ARFGEF3: variants seen among roughly 807,000 people sequenced by gnomAD.
The protein encoded by ARFGEF3 is brefeldin A-inhibited guanine nucleotide-exchange protein 3.
A neutral mutation model predicts 221.7 loss-of-function variants in ARFGEF3; 96 were observed. The ratio of observed to expected loss-of-function variants is 0.43; its 90% CI spans 0.37 to 0.51. The LOEUF is 0.51. Ranked by LOEUF, ARFGEF3 falls within the 20% of genes least tolerant of loss-of-function variation. ARFGEF3 has a pLI of 0.00. For synonymous variants in ARFGEF3, 1,145 were observed against 1,126.8 expected (o/e 1.02, Z -0.32); for missense variants, 2,410 against 2,789.9 (o/e 0.86, Z 3.07).
intron 3 of ARFGEF3, among the ~76,000 whole-genome samples, chr6:138,208,270 C>G (rs552816586): frequency 2.6e-5 from 4 of 152,160 alleles, no homozygotes; most frequent in Admixed American, 2.6e-4. Flanking sequence ...GCTACCTCCT[C>G]TTAACTTTAG....
intron 2 of ARFGEF3, among the ~76,000 whole-genome samples, chr6:138,174,113 A>G (rs924771642): frequency 6.6e-6 from 1 of 152,152 alleles, no homozygotes; most frequent in Non-Finnish European, 1.5e-5. Flanking sequence ...AAAACAGAAA[A>G]CATTGTGATG....
intron 3 of ARFGEF3, among the ~76,000 whole-genome samples, chr6:138,207,338 G>A (rs901007731): frequency 2.0e-5 from 3 of 152,194 alleles, no homozygotes; most frequent in Non-Finnish European, 4.4e-5. Flanking sequence ...TTTGTGATCA[G>A]ACACTGATTC....
At position 138,256,303 on chromosome 6, in the gene ARFGEF3, T is replaced by C. The variant is rs369687512; in HGVS notation, c.1104+534T>C. Among the ~76,000 whole-genome samples the C allele has an allele frequency of 1.5e-3, 227 of 152,298 alleles. 2 individuals are homozygous for C. The South Asian group carries it at 0.043, about 29-fold the overall frequency. On this transcript the variant is annotated intron_variant, in intron 10 of 33. Transcript: ENST00000251691. ...ATAGCCATCCCAGTGTGCTACTTCA[T>C]GGTTTTGAGGCAGAATTAGGGTTAT...
intron 20 of ARFGEF3, among the ~76,000 whole-genome samples, chr6:138,295,182 A>G (rs1040902797): frequency 6.6e-6 from 1 of 152,160 alleles, no homozygotes; most frequent in African/African-American, 2.4e-5. Flanking sequence ...AGAAAGAGGG[A>G]GACTTACTTC....
At chr6:138,287,991 T>A (rs1262907377) in intron 17 of ARFGEF3, among the ~76,000 whole-genome samples, 4 of 152,164 alleles carry the variant, frequency 2.6e-5, no homozygotes, top group Non-Finnish European at 5.9e-5. Context: ...ACTTAAGTAT[T>A]TTACAACCAT....
chr6:138,207,133 TG>T lies in ARFGEF3; in HGVS notation c.219+11del, dbSNP rs757143800. ...TTTGGCAGGGATGCAGGTATGGCTT[TG>T]ACTGAATGCAATGGGATGATAGAAA... On this transcript the variant is annotated intron_variant, in intron 3 of 33. Transcript: ENST00000251691. 4 of 1,604,932 alleles carry T rather than the reference TG, an allele frequency of 2.5e-6. No homozygotes were observed. In the African/African-American group the frequency reaches 5.3e-5, roughly 21 times the overall value.
At chr6:138,318,679 G>GT (rs1212388675) in intron 27 of ARFGEF3, among the ~76,000 whole-genome samples, 2 of 152,266 alleles carry the variant, frequency 1.3e-5, no homozygotes, top group South Asian at 4.2e-4. Flanking sequence ...CTCTAGATGA[G>GT]TTTTTTCTTG....
chr6:138,326,476 C>T (rs958001535), intron 31 of ARFGEF3, among the ~76,000 whole-genome samples: 2 of 152,118 alleles, frequency 1.3e-5, no homozygotes, highest in African/African-American at 4.8e-5. Flanking sequence ...TGAACAGACA[C>T]TTCTCAAAAG....
intron 5 of ARFGEF3, among the ~76,000 whole-genome samples, chr6:138,236,505 A>G (rs1484172612): frequency 6.6e-6 from 1 of 152,166 alleles, no homozygotes; most frequent in Non-Finnish European, 1.5e-5. Context: ...GGGGGTAGGT[A>G]GGGTCTCTGT....
intron 4 of ARFGEF3, among the ~76,000 whole-genome samples, chr6:138,221,583 A>C (rs1583019513): frequency 1.3e-5 from 2 of 152,152 alleles, no homozygotes; most frequent in East Asian, 3.9e-4. Flanking sequence ...TGGCCAGGGG[A>C]GAAGGTTTAG....
In ARFGEF3 at chr6:138,334,955, A is replaced by G; in HGVS notation, c.6109A>G (p.Asn2037Asp). ...ATACAAAAAGAGGAAACAGCAGCACAACCTGTCCGCGTTCCCCAAAGAGGT... is the reference window on the plus strand; with the variant it reads ...ATACAAAAAGAGGAAACAGCAGCACGACCTGTCCGCGTTCCCCAAAGAGGT... Reference protein sequence around the residue: ...TEYKKRKQQHNLSAFPKEVKV... With the variant: ...TEYKKRKQQHDLSAFPKEVKV... The change falls in exon 33 of 34, where the codon AAC becomes GAC. Residue 2037 changes from asparagine (N) to aspartate (D), a missense_variant. Around this residue, in one of 5 missense-constraint regions of ARFGEF3, gnomAD observed 339 missense variants for 334.9 expected, o/e 1.01. Coordinates refer to ENST00000251691, the MANE Select transcript of ARFGEF3 (RefSeq NM_020340.5). This position sits in a 1 kb window ranked among gnomAD's most constrained non-coding sequence, Gnocchi z 5.1. 1 of 1,587,418 alleles carries G rather than the reference A, an allele frequency of 6.3e-7. No individual in the cohort carries two copies. Among genetic ancestry groups the G allele is most frequent in the Non-Finnish European group, 8.6e-7 (1 of 1,167,540 alleles).
rs1379249998 is a variant in ARFGEF3, at chr6:138,324,382, G to A, written c.5001+228G>A. 2.0e-5 allele frequency among the ~76,000 whole-genome samples: 3 copies of A among 152,280 alleles called. No individual in the cohort carries two copies. In the East Asian group the frequency reaches 5.8e-4, roughly 29 times the overall value. ...CATTTGTTGCATCCTCCAGTGCCCA[G>A]ATCAAATAGAACCCTTTCAGCAGCC... is the stretch of plus-strand genomic sequence containing the variant. On this transcript the variant is annotated intron_variant, in intron 31 of 33. Coordinates refer to ENST00000251691, the MANE Select transcript of ARFGEF3 (RefSeq NM_020340.5).
At chr6:138,193,247 C>T (rs1394108363) in intron 2 of ARFGEF3, among the ~76,000 whole-genome samples, 1 of 152,186 alleles carries the variant, frequency 6.6e-6, no homozygotes, top group Non-Finnish European at 1.5e-5. Context: ...ACTGAGCTGA[C>T]CAAGTTCCAT....
In ARFGEF3 at chr6:138,169,050, C is replaced by T. The variant is rs185650186; in HGVS notation, c.86-1612C>T. On this transcript the variant is annotated intron_variant, in intron 1 of 33. Coordinates refer to ENST00000251691, the MANE Select transcript of ARFGEF3 (RefSeq NM_020340.5). ...CATGATCCTATCAGCTCCTCACAAG[C>T]ATCCCGGGAGGAAGGTGTCATTGTC... Among the ~76,000 whole-genome samples, 272 of 152,344 alleles carry T rather than the reference C, an allele frequency of 1.8e-3. 1 individual carries two copies. The highest frequency in any genetic ancestry group is 6.3e-3 in the African/African-American group (260 of 41,578).
At chr6:138,311,121 A>G (rs749172592) in intron 24 of ARFGEF3, among the ~76,000 whole-genome samples, 12 of 152,220 alleles carry the variant, frequency 7.9e-5, no homozygotes, top group Non-Finnish European at 1.6e-4. Context: ...AGAGAGAGGA[A>G]ATGTTGATTG....
At position 138,262,959 on chromosome 6, in the gene ARFGEF3, G is replaced by A. The variant is rs534857655; in HGVS notation, c.1476G>A (p.Pro492=). 2.8e-5 allele frequency: 45 copies of A among 1,600,160 alleles called. No individual in the cohort carries two copies. Among genetic ancestry groups the A allele is most frequent in the South Asian group, 2.3e-4 (21 of 89,398 alleles). ...GAGTGCTGTCCTCAGAACACACGCC[G>A]TGGGAGTCAGGGAACGAGAGGAGCC... ...QRRVLSSEHT[P]WESGNERSLD... Residue 492 remains proline (P), a synonymous_variant, in exon 12 of 34, where the codon CCG becomes CCA. Coordinates refer to ENST00000251691, the MANE Select transcript of ARFGEF3 (RefSeq NM_020340.5).
chr6:138,279,807 A>T (rs546273309), intron 13 of ARFGEF3, among the ~76,000 whole-genome samples, 192 bp from the exon 14 acceptor site: 2 of 152,224 alleles, frequency 1.3e-5, no homozygotes, highest in African/African-American at 4.8e-5. Context: ...AAAAGGTGTC[A>T]TCAGTGAAGG....
intron 8 of ARFGEF3, among the ~76,000 whole-genome samples, chr6:138,253,265 C>G (rs545258674): frequency 6.6e-6 from 1 of 151,770 alleles, no homozygotes; most frequent in Admixed American, 6.6e-5. Context: ...GTTTCATGGT[C>G]AGTTTTTCTA....
At chr6:138,309,605 C>G (rs1259382845) in intron 24 of ARFGEF3, among the ~76,000 whole-genome samples, 1 of 152,014 alleles carries the variant, frequency 6.6e-6, no homozygotes, top group Admixed American at 6.6e-5. Context: ...TAGAACATTC[C>G]TACAATTATG....
Sources: gnomAD v4.1 joint callset for allele counts (sites outside exome capture counted in the v4.1 genomes callset) on GRCh38, gnomAD v4.1.1 for gene constraint, gnomAD v4.1.1 regional missense constraint, Gnocchi (gnomAD v3.1) non-coding constraint, MANE v1.5 for transcripts, NCBI Gene and HGNC (gene_info 2026-07-23, HGNC 2026-07-21) for gene names.